The following CCDC15 variants were observed in gnomAD, a reference collection of about 807,000 sequenced individuals.
CCDC15 encodes coiled-coil domain-containing protein 15.
Under a neutral mutation model 114.5 loss-of-function variants are expected in CCDC15, and 105 were observed. The observed-to-expected ratio is 0.92, with a 90% CI of 0.78 to 1.08. The LOEUF (loss-of-function observed/expected upper bound fraction) is 1.08, where lower values mean the gene tolerates loss of function less well. CCDC15 is among the 50% of genes least tolerant of loss of function. The probability of loss-of-function intolerance (pLI) is 0.00; values close to 1 mark genes in which losing one functional copy is unlikely to be tolerated. For synonymous variants in CCDC15, 334 were observed against 377.8 expected, an observed-to-expected ratio of 0.88 and a Z score of 1.34; for missense variants, 1,105 against 1,093.6, an observed-to-expected ratio of 1.01 and a Z score of -0.15.
At chr11:125,011,055 TC>T (rs1410133290) in intron 13 of CCDC15, among the ~76,000 whole-genome samples, 1 of 152,028 alleles carries the variant, frequency 6.6e-6, no homozygotes, top group African/African-American at 2.4e-5. Context: ...AGGAGTCCTT[TC>T]CCTAATGGGT....
At chr11:124,970,361 A>G (rs1281459027) in intron 4 of CCDC15, among the ~76,000 whole-genome samples, 1 of 152,246 alleles carries the variant, frequency 6.6e-6, no homozygotes, top group Non-Finnish European at 1.5e-5. Flanking sequence ...CAAAAGAAAG[A>G]TAATGCAACT....
intron 13 of CCDC15, among the ~76,000 whole-genome samples, chr11:125,025,045 A>AATAT (rs369930609): frequency 9.7e-6 from 1 of 103,170 alleles, no homozygotes; most frequent in Non-Finnish European, 1.9e-5. Context: ...AATACATATG[A>AATAT]ATATATATGA....
chr11:125,037,933 T>C lies in CCDC15; in HGVS notation c.2412-498T>C, dbSNP rs1339942170. 4 of 152,064 alleles carry C rather than the reference T, an allele frequency of 2.6e-5. No individual in the cohort carries two copies. The East Asian group carries it at 7.8e-4, about 30-fold the overall frequency. The allele number at this position is 152,064 out of a possible 1,614,324, so 9.4% of individuals were successfully genotyped here. A position where few individuals can be genotyped will look rare whatever the true frequency, so the allele number is the denominator to read the frequency against. On this transcript the variant is annotated intron_variant, in intron 13 of 15. Transcript: ENST00000344762. ...TACAGAAAAACTGTTTTTTTTTTTTTTGAGATATGGGGTCTGGCTCTGTTG... is the reference window on the plus strand; with the variant it reads ...TACAGAAAAACTGTTTTTTTTTTTTCTGAGATATGGGGTCTGGCTCTGTTG...
intron 11 of CCDC15, among the ~76,000 whole-genome samples, chr11:124,993,821 A>G (rs1417414757): frequency 2.0e-5 from 3 of 152,248 alleles, no homozygotes; most frequent in Non-Finnish European, 4.4e-5. Context: ...TAATATTATT[A>G]TGAATAACAG....
At chr11:125,035,646 CTTCT>C (rs1405415723) in intron 13 of CCDC15, among the ~76,000 whole-genome samples, 1 of 151,914 alleles carries the variant, frequency 6.6e-6, no homozygotes, top group Non-Finnish European at 1.5e-5. Context: ...GTTTCATGGT[CTTCT>C]TTCTTCTTCT....
At chr11:124,998,089 A>T (rs1948405997) in intron 11 of CCDC15, among the ~76,000 whole-genome samples, 1 of 152,202 alleles carries the variant, frequency 6.6e-6, no homozygotes, top group African/African-American at 2.4e-5. Flanking sequence ...CATAACTTCT[A>T]AGCAATGAAC....
At chr11:124,975,231 G>T in intron 5 of CCDC15, 22 bp downstream of exon 5, 1 of 1,385,774 alleles carries the variant, frequency 7.2e-7, no homozygotes, top group South Asian at 1.3e-5. Context: ...TCTAATACAT[G>T]ATTTAAAAAA....
At chr11:125,039,430 G>T (rs766365237) in intron 15 of CCDC15, 7 of 178,830 alleles carry the variant, frequency 3.9e-5, no homozygotes, top group Non-Finnish European at 8.1e-5. Context: ...ATGTAACATG[G>T]ACGTATTACC....
rs61521463 is a variant in CCDC15 at position 124,959,828 on chromosome 11, G to T, written c.341G>T (p.Gly114Val). 3 of 1,596,410 alleles carry T rather than the reference G, an allele frequency of 1.9e-6. No homozygotes were observed. Among genetic ancestry groups the T allele is most frequent in the East Asian group, 2.2e-5 (1 of 44,552 alleles). The change falls in exon 4 of 16, where the codon GGC (glycine) becomes GTC (valine). Residue 114 changes from glycine (G) to valine (V), a missense_variant. Physicochemically the swap from Gly to Val is moderately radical, Grantham distance 109. Coordinates refer to ENST00000344762, the MANE Select transcript of CCDC15 (RefSeq NM_025004.3). ...TCTTTCGTGTAGGCACAAAAAGAAG[G>T]CTCCATAGCCATGCAGTCTTCAGCA... Reference protein sequence around the residue: ...QKSYERAQKEGSIAMQSSATH... With the variant: ...QKSYERAQKEVSIAMQSSATH...
chr11:125,034,440 C>G (rs924727468), intron 13 of CCDC15, among the ~76,000 whole-genome samples: 3 of 152,098 alleles, frequency 2.0e-5, no homozygotes, highest in African/African-American at 7.2e-5. Flanking sequence ...AGCTTCATCT[C>G]TTTCTCTTCA....
intron 4 of CCDC15, among the ~76,000 whole-genome samples, chr11:124,963,012 G>A (rs60783486): frequency 0.14 from 21,837 of 152,186 alleles, 1,739 homozygotes; most frequent in Non-Finnish European, 0.16. Context: ...GTATTTCATG[G>A]TGTATATGTG....
rs1403493501 is a variant in CCDC15 at position 124,991,496 on chromosome 11, A to G, written c.1944A>G (p.Thr648=). 8 of 1,601,696 alleles carry G rather than the reference A, an allele frequency of 5.0e-6. No individual in the cohort carries two copies. The highest frequency in any genetic ancestry group is 6.8e-6 in the Non-Finnish European group (8 of 1,169,560). Residue 648 remains threonine, a synonymous_variant, in exon 9 of 16, where the codon ACA becomes ACG. Coordinates refer to ENST00000344762, the MANE Select transcript of CCDC15 (RefSeq NM_025004.3). ...VHFKEPYSDM[T]DEKGREDFSL... ...TTAAGGAGCCATACTCTGATATGAC[A>G]GATGAGAAAGGGAGAGAAGACTTTT...
At position 125,038,962 on chromosome 11, in the gene CCDC15, A is replaced by C; in HGVS notation, c.2627A>C (p.Gln876Pro). Residue 876 changes from glutamine (Q) to proline (P), a missense_variant, in exon 15 of 16, where the codon CAG (glutamine) becomes CCG (proline). By Grantham distance (76) the Gln-to-Pro change is moderately conservative. Coordinates refer to ENST00000344762, the MANE Select transcript of CCDC15 (RefSeq NM_025004.3). ...CGAGCCCAAATCCAGGAGAAAATGC[A>C]GCTGTATAATATTACTTTACCTCCA... ...ALRAQIQEKM[Q>P]LYNITLPPLC... 2 of 1,613,522 alleles carry C rather than the reference A, an allele frequency of 1.2e-6. No individual in the cohort carries two copies. Among genetic ancestry groups the C allele is most frequent in the Non-Finnish European group, 1.7e-6 (2 of 1,179,584 alleles).
At chr11:124,972,207 A>G (rs896056530) in intron 4 of CCDC15, among the ~76,000 whole-genome samples, 5 of 152,316 alleles carry the variant, frequency 3.3e-5, no homozygotes, top group African/African-American at 1.2e-4. Flanking sequence ...TTAGAGATTT[A>G]ATCGTAGTCT....
At chr11:124,977,871 T>A (rs892817503) in intron 6 of CCDC15, among the ~76,000 whole-genome samples, 1 of 152,142 alleles carries the variant, frequency 6.6e-6, no homozygotes, top group Non-Finnish European at 1.5e-5. Flanking sequence ...TTAAAATAAC[T>A]TTTATTTTAG....
chr11:125,018,092 T>C (rs1357357470), intron 13 of CCDC15, among the ~76,000 whole-genome samples: 1 of 152,144 alleles, frequency 6.6e-6, no homozygotes, highest in African/African-American at 2.4e-5. Flanking sequence ...TACAGTAGTA[T>C]ATCATAATGA....
intron 4 of CCDC15, 35 bp from the exon 5 acceptor site, chr11:124,975,061 G>C (rs75802755): frequency 7.4e-7 from 1 of 1,360,074 alleles, no homozygotes; most frequent in African/African-American, 1.5e-5. Context: ...AACTTATCCT[G>C]CTTTTGTTTG....
intron 13 of CCDC15, among the ~76,000 whole-genome samples, chr11:125,036,151 T>C (rs201513222): frequency 0.091 from 11,934 of 131,722 alleles, 642 homozygotes; most frequent in East Asian, 0.18. Context: ...AGCTTTCTCA[T>C]AGGATAGGTC....
At chr11:125,017,826 T>C (rs1433450471) in intron 13 of CCDC15, among the ~76,000 whole-genome samples, 1 of 152,074 alleles carries the variant, frequency 6.6e-6, no homozygotes, top group East Asian at 1.9e-4. Flanking sequence ...TGTCTTAGTT[T>C]TTAACAAAAT....
Sources: gnomAD v4.1 joint callset for allele counts (sites outside exome capture counted in the v4.1 genomes callset) on GRCh38, gnomAD v4.1.1 for gene constraint, MANE v1.5 for transcripts, NCBI Gene and HGNC (gene_info 2026-07-23, HGNC 2026-07-21) for gene names.